Variants in AGBL4 observed in about 807,000 individuals in gnomAD.
The protein encoded by AGBL4 is AGBL carboxypeptidase 4.
A neutral mutation model predicts 66.4 loss-of-function variants in AGBL4; 58 were observed. That is an observed-to-expected ratio of 0.87 (90% CI 0.71 to 1.09). AGBL4 has a LOEUF of 1.09. Ranked by LOEUF, AGBL4 falls within the 50% of genes least tolerant of loss-of-function variation. The probability of loss-of-function intolerance (pLI) is 0.00; values close to 1 mark genes in which losing one functional copy is unlikely to be tolerated. For missense variants in AGBL4, 579 were observed against 631.0 expected (o/e 0.92, Z 0.88); for synonymous variants, 234 against 222.9 (o/e 1.05, Z -0.44).
intron 1 of AGBL4, chr1:49,995,122 C>G (rs1216717522): frequency 2.2e-6 from 1 of 455,984 alleles, no homozygotes; most frequent in Non-Finnish European, 4.4e-6. Flanking sequence ...CAAGTAAACT[C>G]AAAGTTTCCT....
intron 1 of AGBL4, among the ~76,000 whole-genome samples, chr1:49,896,757 T>C (rs1649261702): frequency 1.3e-5 from 2 of 151,680 alleles, no homozygotes; most frequent in Admixed American, 6.6e-5. Flanking sequence ...TCATTCCTCA[T>C]GCATGACCAA....
intron 5 of AGBL4, among the ~76,000 whole-genome samples, chr1:48,982,271 G>T (rs1477469260): frequency 6.6e-6 from 1 of 152,158 alleles, no homozygotes; most frequent in Admixed American, 6.5e-5. Flanking sequence ...ATATATACAT[G>T]TGCCATGTTA....
chr1:50,011,717 C>T (rs961785309), intron 1 of AGBL4, among the ~76,000 whole-genome samples: 7 of 152,190 alleles, frequency 4.6e-5, no homozygotes, highest in African/African-American at 1.7e-4. Flanking sequence ...GAATGAGATC[C>T]TGTCATTTGC....
intron 1 of AGBL4, among the ~76,000 whole-genome samples, chr1:49,881,212 A>T (rs1647264883): frequency 6.6e-6 from 1 of 152,168 alleles, no homozygotes; most frequent in African/African-American, 2.4e-5. Flanking sequence ...TACAAAGGAC[A>T]TGAACTCATC....
chr1:48,940,433 A>G (rs1028710080), intron 5 of AGBL4, among the ~76,000 whole-genome samples: 1 of 152,224 alleles, frequency 6.6e-6, no homozygotes, highest in African/African-American at 2.4e-5. Context: ...ACGGGCTCAA[A>G]GTACACAGTA....
At chr1:49,918,393 A>G (rs533423806) in intron 1 of AGBL4, among the ~76,000 whole-genome samples, 1 of 152,356 alleles carries the variant, frequency 6.6e-6, no homozygotes, top group East Asian at 1.9e-4. Flanking sequence ...ACAAAAAATG[A>G]TAAAGGGGAT....
intron 4 of AGBL4, among the ~76,000 whole-genome samples, chr1:49,234,411 T>C (rs1284145654): frequency 6.6e-6 from 1 of 152,174 alleles, no homozygotes; most frequent in Non-Finnish European, 1.5e-5. Context: ...CTGAAGTATA[T>C]ATAGAAATCC....
chr1:48,572,286 T>G (rs1405224335), intron 11 of AGBL4, among the ~76,000 whole-genome samples: 1 of 152,092 alleles, frequency 6.6e-6, no homozygotes, highest in Non-Finnish European at 1.5e-5. Context: ...GTCATCGAAG[T>G]GGAGAATACT....
intron 7 of AGBL4, among the ~76,000 whole-genome samples, chr1:48,654,187 C>T (rs79408600): frequency 0.065 from 9,822 of 152,136 alleles, 1,014 homozygotes; most frequent in African/African-American, 0.22. Context: ...GCAAATCTTC[C>T]CCTCTTCTCC....
intron 5 of AGBL4, among the ~76,000 whole-genome samples, chr1:49,019,201 G>T (rs12141962): frequency 0.18 from 27,662 of 152,100 alleles, 3,110 homozygotes; most frequent in East Asian, 0.4. Context: ...GAAAAACTCT[G>T]CTCTTGGATA....
intron 3 of AGBL4, among the ~76,000 whole-genome samples, chr1:49,577,378 G>A (rs567455695): frequency 6.6e-6 from 1 of 152,288 alleles, no homozygotes; most frequent in South Asian, 2.1e-4. Flanking sequence ...ACTCAGTGAG[G>A]CTGACCTGGC....
intron 6 of AGBL4, among the ~76,000 whole-genome samples, chr1:48,681,434 G>A (rs1234666592): frequency 6.6e-6 from 1 of 152,160 alleles, no homozygotes; most frequent in African/African-American, 2.4e-5. Context: ...CTGAGCATCA[G>A]CCTCAAATGC....
chr1:49,280,636 C>T (rs760942326), intron 3 of AGBL4, among the ~76,000 whole-genome samples: 9 of 152,048 alleles, frequency 5.9e-5, no homozygotes, highest in African/African-American at 1.5e-4. Context: ...TCCAGAGCAA[C>T]GAATTAAGGA....
intron 5 of AGBL4, among the ~76,000 whole-genome samples, chr1:49,022,798 T>G (rs555482395): frequency 3.3e-4 from 51 of 152,308 alleles, no homozygotes; most frequent in Non-Finnish European, 5.7e-4. Context: ...TTACTATTCA[T>G]GTATATGTTG....
intron 6 of AGBL4, among the ~76,000 whole-genome samples, chr1:48,794,257 C>T (rs1645616727): frequency 6.6e-6 from 1 of 152,208 alleles, no homozygotes; most frequent in Non-Finnish European, 1.5e-5. Flanking sequence ...CTGCCCCATT[C>T]CAGGCCCTAT....
chr1:48,949,004 A>G (rs1656748201), intron 5 of AGBL4, among the ~76,000 whole-genome samples: 1 of 152,234 alleles, frequency 6.6e-6, no homozygotes, highest in Non-Finnish European at 1.5e-5. Context: ...GGAACCAGGA[A>G]ATTAGAAATG....
chr1:49,458,413 C>G (rs1646437354), intron 3 of AGBL4, among the ~76,000 whole-genome samples: 1 of 151,672 alleles, frequency 6.6e-6, no homozygotes, highest in South Asian at 2.1e-4. Flanking sequence ...TATCCTGAAA[C>G]TTTACTGAAT....
intron 6 of AGBL4, among the ~76,000 whole-genome samples, chr1:48,771,888 A>G (rs1453649147): frequency 6.6e-6 from 1 of 152,218 alleles, no homozygotes; most frequent in African/African-American, 2.4e-5. Flanking sequence ...GGTTTCTTCT[A>G]GCTAGTTGAG....
intron 2 of AGBL4, among the ~76,000 whole-genome samples, chr1:49,772,512 C>A (rs996189565): frequency 6.6e-6 from 1 of 152,012 alleles, no homozygotes; most frequent in South Asian, 2.1e-4. Flanking sequence ...TTTTGTTTTG[C>A]GTAGCCCTAC....
Sources: allele counts gnomAD v4.1 joint callset (sites outside exome capture counted in the v4.1 genomes callset), GRCh38; gene constraint gnomAD v4.1.1; transcripts MANE v1.5; gene names NCBI Gene and HGNC (gene_info 2026-07-23, HGNC 2026-07-21).